RARB: variants seen among roughly 807,000 people sequenced by gnomAD.
RARB encodes HBV-activated protein.
RARB carries 17 observed loss-of-function variants against 51.9 expected under a neutral mutation model. The ratio of observed to expected loss-of-function variants is 0.33; its 90% CI spans 0.22 to 0.49. The LOEUF (loss-of-function observed/expected upper bound fraction) is 0.49, where lower values mean the gene tolerates loss of function less well. Among genes scored for constraint, RARB ranks in the 20% least tolerant of loss-of-function variants. RARB has a pLI of 0.99. For missense variants in RARB, 369 were observed against 550.8 expected (o/e 0.67, Z 3.30); for synonymous variants, 215 against 195.4 (o/e 1.10, Z -0.84).
intron 2 of RARB, among the ~76,000 whole-genome samples, chr3:24,902,123 ATC>A (rs1023093059): frequency 1.4e-4 from 21 of 152,170 alleles, no homozygotes; most frequent in African/African-American, 5.1e-4. Context: ...TGTTCTTATT[ATC>A]TCTGTTTTAA....
chr3:25,318,821 G>A (rs947642482), intron 5 of RARB, among the ~76,000 whole-genome samples: 2 of 152,090 alleles, frequency 1.3e-5, no homozygotes, highest in Non-Finnish European at 2.9e-5. Context: ...AGACAGAAGG[G>A]AATTTCAAAA....
chr3:24,883,680 A>G (rs974255875), intron 2 of RARB, among the ~76,000 whole-genome samples: 6 of 152,108 alleles, frequency 3.9e-5, no homozygotes, highest in African/African-American at 1.4e-4. Context: ...TGTTAAATCA[A>G]TTGTAAATAA....
intron 3 of RARB, among the ~76,000 whole-genome samples, chr3:25,515,862 C>T (rs190708410): frequency 2.6e-5 from 4 of 152,194 alleles, no homozygotes; most frequent in East Asian, 3.9e-4. Context: ...TTTTATACCT[C>T]GGTGAAAAGG....
At chr3:25,504,789 TTTG>T (rs1303186020) in intron 3 of RARB, among the ~76,000 whole-genome samples, 71 of 125,250 alleles carry the variant, frequency 5.7e-4, no homozygotes, top group African/African-American at 2.0e-3. Context: ...TTTTTTTTTT[TTTG>T]TGTCACCCAG....
chr3:25,331,553 A>C (rs1252515462), intron 5 of RARB, among the ~76,000 whole-genome samples: 1 of 152,214 alleles, frequency 6.6e-6, no homozygotes, highest in Admixed American at 6.5e-5. Flanking sequence ...TATAGCACTA[A>C]ATGCCCACAA....
At chr3:25,118,437 G>C (rs183851297) in intron 3 of RARB, among the ~76,000 whole-genome samples, 2 of 152,112 alleles carry the variant, frequency 1.3e-5, no homozygotes, top group Non-Finnish European at 2.9e-5. Flanking sequence ...TAAACAGTAC[G>C]TATATACAAA....
chr3:25,146,683 G>GTT (rs144626912), intron 4 of RARB, among the ~76,000 whole-genome samples: 8 of 150,858 alleles, frequency 5.3e-5, no homozygotes, highest in South Asian at 4.2e-4. Flanking sequence ...TTTTTGTGGG[G>GTT]TTTTTTTTGT....
chr3:25,286,084 T>TC, intron 5 of RARB, among the ~76,000 whole-genome samples: 1 of 6,284 alleles, frequency 1.6e-4, no homozygotes, highest in African/African-American at 2.3e-3. Context: ...GATCTTTCTC[T>TC]TTTTTTTTTT....
chr3:25,245,695 T>G (rs147910733), intron 5 of RARB, among the ~76,000 whole-genome samples: 82 of 152,334 alleles, frequency 5.4e-4, no homozygotes, highest in Middle Eastern at 6.8e-3. Context: ...TAGGCTTCCC[T>G]TTGTGGGTAA....
At chr3:24,954,503 A>G (rs898197546) in intron 2 of RARB, among the ~76,000 whole-genome samples, 3 of 152,162 alleles carry the variant, frequency 2.0e-5, no homozygotes, top group Non-Finnish European at 1.5e-5. Context: ...TAATCCCCTT[A>G]TCTTACAGAT....
intron 3 of RARB, among the ~76,000 whole-genome samples, chr3:25,512,917 T>C (rs995872497): frequency 7.2e-5 from 11 of 151,998 alleles, no homozygotes; most frequent in African/African-American, 2.7e-4. Context: ...AGAACAAGTA[T>C]GGAGTTTGGT....
rs73821760 is a variant in RARB, at chr3:25,186,687, A to C, written c.178+12112A>C. The stretch of plus-strand genomic sequence containing the variant: ...ATGATAATGAATGAAAAACTCTTTA[A>C]GTGCACATATAGGGTGCCAACATTT... On this transcript the variant is annotated intron_variant, in intron 5 of 11. Coordinates refer to the RARB transcript ENST00000383772. 4.9e-3 allele frequency among the ~76,000 whole-genome samples: 740 copies of C among 152,286 alleles called. 8 individuals carry two copies. Among genetic ancestry groups the C allele is most frequent in the African/African-American group, 0.017 (701 of 41,586 alleles).
chr3:25,332,315 AG>A lies in RARB; in HGVS notation c.179-128876del, dbSNP rs1704924231. On this transcript the variant is annotated intron_variant, in intron 5 of 11. Coordinates refer to the RARB transcript ENST00000383772. ...AACTGAATCCAGCAGCACATCAAAA[AG>A]GTTATCCACCACGATCAAGTTGGCT... Among the ~76,000 whole-genome samples, 3 of 152,324 alleles carry A rather than the reference AG, an allele frequency of 2.0e-5. No homozygotes were observed. In the South Asian group the frequency reaches 6.2e-4, roughly 32 times the overall value.
intron 2 of RARB, among the ~76,000 whole-genome samples, chr3:24,941,576 G>T (rs1695668874): frequency 6.6e-6 from 1 of 152,054 alleles, no homozygotes; most frequent in Non-Finnish European, 1.5e-5. Context: ...CCCCACGTTG[G>T]CCAGGTTGGT....
At chr3:25,549,516 G>T (rs1575509061) in intron 3 of RARB, among the ~76,000 whole-genome samples, 1 of 152,066 alleles carries the variant, frequency 6.6e-6, no homozygotes, top group Admixed American at 6.5e-5. Context: ...ACCAACTCGG[G>T]GTAGTCACAT....
chr3:25,157,788 C>T (rs776277304), intron 4 of RARB, among the ~76,000 whole-genome samples: 5 of 152,188 alleles, frequency 3.3e-5, no homozygotes, highest in Non-Finnish European at 7.3e-5. Flanking sequence ...AAAGCTGAGA[C>T]TCGAGATTTT....
At chr3:24,833,336 A>C (rs773935731) in intron 1 of RARB, 1 of 152,070 alleles carries the variant, frequency 6.6e-6, no homozygotes, top group Non-Finnish European at 1.5e-5. Flanking sequence ...TCATGATCTC[A>C]TCTCTAAATA....
chr3:25,140,285 T>C (rs907463927), intron 4 of RARB, among the ~76,000 whole-genome samples: 5 of 152,208 alleles, frequency 3.3e-5, no homozygotes, highest in African/African-American at 1.2e-4. Flanking sequence ...ACATTCCAGA[T>C]GTCATTAACA....
chr3:25,378,687 A>T (rs188088753), intron 5 of RARB, among the ~76,000 whole-genome samples: 1 of 152,302 alleles, frequency 6.6e-6, no homozygotes, highest in East Asian at 1.9e-4. Flanking sequence ...CCGTCTCCAA[A>T]TGTTTTAAGG....
Sources: allele counts gnomAD v4.1 joint callset (sites outside exome capture counted in the v4.1 genomes callset), GRCh38; gene constraint gnomAD v4.1.1; transcripts MANE v1.5; gene names NCBI Gene and HGNC (gene_info 2026-07-23, HGNC 2026-07-21).